The following ZNF606 variants were observed in gnomAD, a reference collection of about 807,000 sequenced individuals.
The protein encoded by ZNF606 is zinc finger protein 606, also known as zinc finger protein 328.
A neutral mutation model predicts 74.9 loss-of-function variants in ZNF606; 37 were observed. The observed-to-expected ratio is 0.49, with a 90% CI of 0.38 to 0.65. The LOEUF is 0.65. Ranked by LOEUF, ZNF606 falls within the 30% of genes least tolerant of loss-of-function variation. ZNF606 has a pLI of 0.00. For missense variants in ZNF606, 852 were observed against 952.9 expected (o/e 0.89, Z 1.39); for synonymous variants, 328 against 312.4 (o/e 1.05, Z -0.53).
chr19:57,994,949 C>A (rs1169957747), intron 4 of ZNF606, among the ~76,000 whole-genome samples: 1 of 151,786 alleles, frequency 6.6e-6, no homozygotes, highest in Non-Finnish European at 1.5e-5. Context: ...TTTGGGAGGC[C>A]GAGGCAGGTG....
chr19:57,992,722 A>G (rs1242571539), intron 4 of ZNF606, among the ~76,000 whole-genome samples: 1 of 152,266 alleles, frequency 6.6e-6, no homozygotes, highest in Non-Finnish European at 1.5e-5. Context: ...AGATACACAG[A>G]AACACTCACA....
rs74343136 is a variant in ZNF606 at position 57,979,840 on chromosome 19, T to C, written c.840A>G (p.Ala280=). Residue 280 remains alanine, a synonymous_variant, in exon 7 of 7, where the codon GCA becomes GCG. Coordinates refer to ENST00000551380, the MANE Select transcript of ZNF606 (RefSeq NM_001348022.3). Reference sequence around the variant, plus strand: ...AAAGATTATCTCCAGTTTGTATTCTTGCAGGGTAAATAGGTTGAATGGACT... The same window carrying C: ...AAAGATTATCTCCAGTTTGTATTCTCGCAGGGTAAATAGGTTGAATGGACT... ...VYQSIQPIYP[A]RIQTGDNLFK... 1.3e-3 allele frequency: 2,059 copies of C among 1,613,612 alleles called. 35 individuals carry two copies. In the African/African-American group the frequency reaches 0.024, roughly 18 times the overall value.
At position 58,001,938 on chromosome 19, in the gene ZNF606, T is replaced by TTG. The variant is rs1297452443; in HGVS notation, c.-52+456_-52+457dup. 42 of 341,156 alleles carry TTG rather than the reference T, an allele frequency of 1.2e-4. 1 individual carries two copies. In the East Asian group the frequency reaches 2.8e-3, roughly 23 times the overall value. The allele number at this position is 341,156 out of a possible 1,614,324, so 21.1% of individuals were successfully genotyped here. On this transcript the variant is annotated intron_variant, in intron 1 of 6. Transcript: ENST00000551380. ...CCTCCAAGATTTACTAAGCCTAAGC[T>TTG]TGTGTGTGTGTGGAGGACTTAGAGA...
chr19:57,988,412 C>A, intron 5 of ZNF606, 110 bp from the exon 6 acceptor site: 3 of 1,381,992 alleles, frequency 2.2e-6, no homozygotes, highest in Non-Finnish European at 3.0e-6. Flanking sequence ...GCAGAATATG[C>A]AAGGTCCTTC....
intron 4 of ZNF606, 80 bp from the exon 5 acceptor site, chr19:57,988,801 C>A: frequency 6.2e-7 from 1 of 1,601,414 alleles, no homozygotes; most frequent in Non-Finnish European, 8.5e-7. Flanking sequence ...GCTGACAGCC[C>A]TGGGGAGAGA....
chr19:57,994,751 G>T (rs1186371874), intron 4 of ZNF606, among the ~76,000 whole-genome samples: 1 of 152,190 alleles, frequency 6.6e-6, no homozygotes, highest in Non-Finnish European at 1.5e-5. Context: ...TGGTCCTGAG[G>T]TAAGCAAACA....
chr19:57,981,031 T>C (rs1300839499), intron 6 of ZNF606, among the ~76,000 whole-genome samples: 1 of 152,168 alleles, frequency 6.6e-6, no homozygotes, highest in African/African-American at 2.4e-5. Context: ...CTTATTTAGA[T>C]ATGTGTGCAA....
At chr19:57,986,345 A>G (rs917276290) in intron 6 of ZNF606, among the ~76,000 whole-genome samples, 1 of 152,066 alleles carries the variant, frequency 6.6e-6, no homozygotes, top group African/African-American at 2.4e-5. Context: ...CCAGCTACTC[A>G]GGAGGCTGAG....
chr19:57,982,225 G>A (rs1174530747), intron 6 of ZNF606, among the ~76,000 whole-genome samples: 1 of 152,094 alleles, frequency 6.6e-6, no homozygotes, highest in Non-Finnish European at 1.5e-5. Context: ...TCTTCTAGAA[G>A]CTGCCCCAAT....
intron 6 of ZNF606, among the ~76,000 whole-genome samples, chr19:57,984,865 C>T (rs111280557): frequency 0.063 from 9,586 of 152,156 alleles, 410 homozygotes; most frequent in Middle Eastern, 0.095. Flanking sequence ...GAGGCTGAGG[C>T]GGACGGATCA....
At chr19:57,996,950 TGA>T (rs1261896601) in intron 4 of ZNF606, among the ~76,000 whole-genome samples, 1 of 152,214 alleles carries the variant, frequency 6.6e-6, no homozygotes, top group Non-Finnish European at 1.5e-5. Context: ...TTAAACCCTT[TGA>T]GAGTCTGAAG....
At chr19:58,003,307 T>C (rs994912625), upstream of ZNF606, 2 of 456,570 alleles carry the variant, frequency 4.4e-6, no homozygotes, top group African/African-American at 4.0e-5. Context: ...CCAGGCTTTA[T>C]GGGAGCATGG....
intron 6 of ZNF606, among the ~76,000 whole-genome samples, chr19:57,982,126 C>T (rs1012469921): frequency 2.0e-5 from 3 of 152,180 alleles, no homozygotes; most frequent in Non-Finnish European, 2.9e-5. Flanking sequence ...AAGTCCAAAA[C>T]GGCTTTCACT....
At chr19:58,001,214 C>T in intron 2 of ZNF606, 75 bp downstream of exon 2, 1 of 1,567,998 alleles carries the variant, frequency 6.4e-7, no homozygotes, top group Non-Finnish European at 8.8e-7. Context: ...AGTCCTCAGC[C>T]CATCACCAGC....
At chr19:57,996,856 ACACATCACT>A (rs1467399941) in intron 4 of ZNF606, among the ~76,000 whole-genome samples, 1 of 152,232 alleles carries the variant, frequency 6.6e-6, no homozygotes, top group Non-Finnish European at 1.5e-5. Context: ...ACATTCTTGC[ACACATCACT>A]TTGTACACAC....
At chr19:58,000,535 C>T (rs1340248334) in intron 3 of ZNF606, 148 bp downstream of exon 3, 2 of 891,250 alleles carry the variant, frequency 2.2e-6, no homozygotes, top group Admixed American at 2.0e-5. Context: ...TTTCTGATTC[C>T]TCCTTGTTCC....
At chr19:57,993,354 A>G (rs975161771) in intron 4 of ZNF606, among the ~76,000 whole-genome samples, 1 of 152,004 alleles carries the variant, frequency 6.6e-6, no homozygotes, top group East Asian at 1.9e-4. Flanking sequence ...CTTTTTTTTT[A>G]AAGAACGTTA....
At position 58,002,649 on chromosome 19, in the gene ZNF606, A is replaced by C. The variant is rs2073456929; in HGVS notation, c.-305T>G. ...GGCTGCTGGCTGGAGAACCGACGGC[A>C]ACGACGGCGCAAAGCCGGCGCGGAA... On this transcript the variant is annotated 5_prime_UTR_variant, in exon 1 of 7. Coordinates refer to ENST00000551380, the MANE Select transcript of ZNF606 (RefSeq NM_001348022.3). 2 of 453,424 alleles carry C rather than the reference A, an allele frequency of 4.4e-6. No individual in the cohort carries two copies. Among genetic ancestry groups the C allele is most frequent in the Non-Finnish European group, 8.9e-6 (2 of 225,704 alleles). The allele number at this position is 453,424 out of a possible 1,614,324, so 28.1% of individuals were successfully genotyped here.
At chr19:57,984,987 A>AG (rs2073143210) in intron 6 of ZNF606, among the ~76,000 whole-genome samples, 1 of 151,938 alleles carries the variant, frequency 6.6e-6, no homozygotes, top group South Asian at 2.1e-4. Flanking sequence ...CCCACCTACT[A>AG]GGGGGGCTGA....
Sources: gnomAD v4.1 joint callset for allele counts (sites outside exome capture counted in the v4.1 genomes callset) on GRCh38, gnomAD v4.1.1 for gene constraint, MANE v1.5 for transcripts, NCBI Gene and HGNC (gene_info 2026-07-23, HGNC 2026-07-21) for gene names.